SAMD3: variants seen among roughly 807,000 people sequenced by gnomAD.
The protein encoded by SAMD3 is sterile alpha motif domain containing 3, also known as sterile alpha motif domain-containing protein 3.
In SAMD3, 63 loss-of-function variants were observed where a neutral mutation model predicts 58.5. The ratio of observed to expected loss-of-function variants is 1.08; its 90% CI spans 0.88 to 1.33. The LOEUF (loss-of-function observed/expected upper bound fraction) is 1.33. Among genes scored for constraint, SAMD3 ranks in the 40% most tolerant of loss-of-function variants. The pLI, the probability that SAMD3 is intolerant of heterozygous loss-of-function variation, is 0.00. For synonymous variants in SAMD3, 220 were observed against 210.3 expected (o/e 1.05, Z -0.40); for missense variants, 604 against 608.4 (o/e 0.99, Z 0.08).
intron 1 of SAMD3, among the ~76,000 whole-genome samples, chr6:130,327,018 C>T (rs547627756): frequency 6.6e-5 from 10 of 152,192 alleles, no homozygotes; most frequent in African/African-American, 2.4e-4. Flanking sequence ...TCACGTGATA[C>T]TTTTTCTTTT....
intron 2 of SAMD3, among the ~76,000 whole-genome samples, chr6:130,283,357 C>T (rs1775050705): frequency 6.6e-6 from 1 of 151,982 alleles, no homozygotes; most frequent in Admixed American, 6.6e-5. Flanking sequence ...TGAGAGTTTT[C>T]CAGAATGTAT....
At chr6:130,354,062 A>C (rs1028921532) in intron 1 of SAMD3, among the ~76,000 whole-genome samples, 1 of 152,242 alleles carries the variant, frequency 6.6e-6, no homozygotes, top group Non-Finnish European at 1.5e-5. Flanking sequence ...GCCAACGAGC[A>C]TATGAAAACA....
intron 1 of SAMD3, among the ~76,000 whole-genome samples, chr6:130,338,221 G>A (rs1777160679): frequency 6.6e-6 from 1 of 152,172 alleles, no homozygotes; most frequent in African/African-American, 2.4e-5. Flanking sequence ...CCCAAGACTT[G>A]GCAGCTTCCA....
At chr6:130,197,708 C>A (rs1794272529) in intron 5 of SAMD3, among the ~76,000 whole-genome samples, 1 of 152,290 alleles carries the variant, frequency 6.6e-6, no homozygotes, top group African/African-American at 2.4e-5. Context: ...CTCGAAGCAG[C>A]CCTGAGAAAC....
intron 2 of SAMD3, among the ~76,000 whole-genome samples, chr6:130,276,145 G>A (rs1295399562): frequency 2.6e-5 from 4 of 151,470 alleles, no homozygotes; most frequent in Non-Finnish European, 5.9e-5. Context: ...TAGAAGGAGG[G>A]GCCATAAACC....
chr6:130,229,582 G>T (rs1796482796), intron 2 of SAMD3, among the ~76,000 whole-genome samples: 1 of 152,262 alleles, frequency 6.6e-6, no homozygotes, highest in South Asian at 2.1e-4. Flanking sequence ...TAAGTCATAG[G>T]TATTAAGAGA....
chr6:130,183,590 C>A (rs753959401), intron 7 of SAMD3: 1 of 347,372 alleles, frequency 2.9e-6, no homozygotes, highest in Non-Finnish European at 5.6e-6. Flanking sequence ...ACCCTTAAAA[C>A]CCTTAAGACT....
intron 2 of SAMD3, chr6:130,215,815 A>G (rs1393821472): frequency 6.5e-7 from 1 of 1,534,932 alleles, no homozygotes; most frequent in East Asian, 2.4e-5. Flanking sequence ...TCTCCTGGCT[A>G]GGAGAAGGAG....
chr6:130,156,958 T>C (rs962190237), intron 8 of SAMD3, among the ~76,000 whole-genome samples: 3 of 152,032 alleles, frequency 2.0e-5, no homozygotes, highest in South Asian at 2.1e-4. Context: ...TAATCCCAGC[T>C]ACCCGGGGGA....
chr6:130,224,585 CTATT>C (rs1014142643), upstream of SAMD3, among the ~76,000 whole-genome samples: 58 of 142,698 alleles, frequency 4.1e-4, no homozygotes, highest in South Asian at 9.8e-3. Flanking sequence ...CAAAAGCACT[CTATT>C]TATTTATTAT....
At chr6:130,180,953 C>CTTTTTTTTTTTTTTTTTTTTT (rs370213784) in intron 7 of SAMD3, among the ~76,000 whole-genome samples, 4 of 117,360 alleles carry the variant, frequency 3.4e-5, no homozygotes, top group Non-Finnish European at 5.2e-5. Flanking sequence ...TTCTTTCTTT[C>CTTTTTTTTTTTTTTTTTTTTT]TTTTTTCTTT....
intron 8 of SAMD3, among the ~76,000 whole-genome samples, chr6:130,164,298 T>C (rs1402675664): frequency 1.3e-5 from 2 of 152,168 alleles, no homozygotes; most frequent in African/African-American, 2.4e-5. Flanking sequence ...AATCTTCAAA[T>C]AAATTAGCTG....
chr6:130,216,787 C>A (rs1234600682), intron 1 of SAMD3, among the ~76,000 whole-genome samples, 171 bp from the exon 2 acceptor site: 1 of 152,170 alleles, frequency 6.6e-6, no homozygotes, highest in Non-Finnish European at 1.5e-5. Context: ...CTCCCCTAGG[C>A]TAAGCAGCAA....
chr6:130,342,199 A>G (rs891713635), intron 1 of SAMD3, among the ~76,000 whole-genome samples: 1 of 152,212 alleles, frequency 6.6e-6, no homozygotes, highest in African/African-American at 2.4e-5. Flanking sequence ...CCCTCTGTCT[A>G]ATAAATATAT....
At chr6:130,226,941 T>A (rs192910992), upstream of SAMD3, among the ~76,000 whole-genome samples, 2 of 152,252 alleles carry the variant, frequency 1.3e-5, no homozygotes, top group African/African-American at 4.8e-5. Flanking sequence ...ATTTTTTACA[T>A]TTAAATAAAT....
intron 1 of SAMD3, among the ~76,000 whole-genome samples, chr6:130,351,822 A>C (rs1777678832): frequency 6.6e-6 from 1 of 152,202 alleles, no homozygotes. Context: ...CCAAATGTCC[A>C]TCAATGATAG....
At chr6:130,221,419 T>C (rs1796220869) in intron 1 of SAMD3, 1 of 152,554 alleles carries the variant, frequency 6.6e-6, no homozygotes, top group Non-Finnish European at 1.5e-5. Flanking sequence ...CTGACTCTGC[T>C]ATGCAGTTGA....
chr6:130,316,227 G>T (rs890923428), intron 1 of SAMD3, among the ~76,000 whole-genome samples: 3 of 149,934 alleles, frequency 2.0e-5, no homozygotes, highest in African/African-American at 4.9e-5. Flanking sequence ...GGAGGCGGAG[G>T]TTGCAGTGAG....
chr6:130,309,911 A>G (rs1268235112), intron 2 of SAMD3, among the ~76,000 whole-genome samples: 3 of 152,190 alleles, frequency 2.0e-5, no homozygotes, highest in African/African-American at 7.2e-5. Context: ...ATCACTTACT[A>G]ATATCATATG....
Sources: allele counts gnomAD v4.1 joint callset (sites outside exome capture counted in the v4.1 genomes callset), GRCh38; gene constraint gnomAD v4.1.1; transcripts MANE v1.5; gene names NCBI Gene and HGNC (gene_info 2026-07-23, HGNC 2026-07-21).